PPP2R2B: variants seen among roughly 807,000 people sequenced by gnomAD.
The protein encoded by PPP2R2B is serine/threonine-protein phosphatase 2A 55 kDa regulatory subunit B beta isoform.
PPP2R2B carries 5 observed loss-of-function variants against 46.0 expected under a neutral mutation model. The observed-to-expected ratio is 0.11, with a 90% CI of 0.06 to 0.23. The LOEUF is 0.23. Among genes scored for constraint, PPP2R2B ranks in the 10% least tolerant of loss-of-function variants. The pLI, the probability that PPP2R2B is intolerant of heterozygous loss-of-function variation, is 1.00. For synonymous variants in PPP2R2B, 215 were observed against 206.7 expected (o/e 1.04, Z -0.34); for missense variants, 367 against 575.0 (o/e 0.64, Z 3.70).
At chr5:146,815,668 G>T (rs1232753148) in intron 2 of PPP2R2B, among the ~76,000 whole-genome samples, 1 of 152,166 alleles carries the variant, frequency 6.6e-6, no homozygotes. Context: ...TTTACTGTTG[G>T]GTTGCAGCCT....
intron 5 of PPP2R2B, among the ~76,000 whole-genome samples, chr5:146,670,850 A>T (rs1429702624): frequency 6.6e-6 from 1 of 152,182 alleles, no homozygotes; most frequent in African/African-American, 2.4e-5. Flanking sequence ...TTATTTTGAT[A>T]GGGAACTTTA....
chr5:146,714,365 T>C (rs1351913635), intron 2 of PPP2R2B, among the ~76,000 whole-genome samples: 1 of 151,988 alleles, frequency 6.6e-6, no homozygotes, highest in Non-Finnish European at 1.5e-5. Context: ...GAATTGGAGA[T>C]GGTGACTATG....
chr5:146,945,671 T>G (rs1423859394), intron 1 of PPP2R2B, among the ~76,000 whole-genome samples: 1 of 152,190 alleles, frequency 6.6e-6, no homozygotes, highest in Non-Finnish European at 1.5e-5. Context: ...TTTGTTTTCC[T>G]AAAGTTTAGA....
At chr5:146,594,236 T>A (rs1436223423) in intron 8 of PPP2R2B, among the ~76,000 whole-genome samples, 3 of 152,152 alleles carry the variant, frequency 2.0e-5, no homozygotes, top group Non-Finnish European at 4.4e-5. Flanking sequence ...GCAGCCAGCA[T>A]GGTTATCAAC....
intron 6 of PPP2R2B, among the ~76,000 whole-genome samples, chr5:146,644,234 C>T (rs1452401900): frequency 1.3e-4 from 8 of 60,664 alleles, no homozygotes; most frequent in South Asian, 8.9e-4. Flanking sequence ...AGGAAAGTTT[C>T]AAAAAAAAAA....
intron 1 of PPP2R2B, among the ~76,000 whole-genome samples, chr5:146,915,759 T>C (rs1409473546): frequency 6.6e-6 from 1 of 152,168 alleles, no homozygotes; most frequent in African/African-American, 2.4e-5. Context: ...CAAAAATCAC[T>C]GTTATTGGGC....
intron 8 of PPP2R2B, among the ~76,000 whole-genome samples, chr5:146,599,822 C>T (rs1357184121): frequency 6.6e-6 from 1 of 152,186 alleles, no homozygotes; most frequent in Non-Finnish European, 1.5e-5. Context: ...TGACAGGCCC[C>T]GGTGTATGAT....
intron 2 of PPP2R2B, among the ~76,000 whole-genome samples, chr5:147,080,214 T>C (rs1486950485): frequency 6.6e-6 from 1 of 152,188 alleles, no homozygotes; most frequent in Non-Finnish European, 1.5e-5. Context: ...TTTATGCATG[T>C]TAGTTTGAGT....
At chr5:146,598,685 T>G (rs1420817289) in intron 8 of PPP2R2B, among the ~76,000 whole-genome samples, 1 of 152,196 alleles carries the variant, frequency 6.6e-6, no homozygotes, top group East Asian at 1.9e-4. Flanking sequence ...TCCTGTTATA[T>G]CCCGCATCAA....
chr5:147,053,927 T>A (rs10064754), intron 1 of PPP2R2B, among the ~76,000 whole-genome samples: 1 of 152,188 alleles, frequency 6.6e-6, no homozygotes, highest in Non-Finnish European at 1.5e-5. Flanking sequence ...TCCTCCACGA[T>A]GTTAATGTTT....
chr5:146,882,353 C>A (rs1762195040), upstream of PPP2R2B, among the ~76,000 whole-genome samples: 1 of 151,792 alleles, frequency 6.6e-6, no homozygotes, highest in South Asian at 2.1e-4. Context: ...AACTTAAATT[C>A]TATCATCTAA....
chr5:146,915,500 C>T (rs1374403504), intron 1 of PPP2R2B, among the ~76,000 whole-genome samples: 2 of 151,830 alleles, frequency 1.3e-5, no homozygotes, highest in South Asian at 4.2e-4. Flanking sequence ...TTTACATACC[C>T]CTCCCCCACT....
At chr5:146,646,102 G>A (rs1220371713) in intron 6 of PPP2R2B, among the ~76,000 whole-genome samples, 2 of 152,194 alleles carry the variant, frequency 1.3e-5, no homozygotes, top group East Asian at 3.9e-4. Flanking sequence ...ATCTCAGTTT[G>A]TAATTATATA....
At chr5:146,708,512 T>A (rs752616820) in intron 2 of PPP2R2B, among the ~76,000 whole-genome samples, 1 of 152,110 alleles carries the variant, frequency 6.6e-6, no homozygotes, top group Non-Finnish European at 1.5e-5. Flanking sequence ...CCATAACCAC[T>A]ATCATGATAT....
intron 2 of PPP2R2B, among the ~76,000 whole-genome samples, chr5:146,800,290 T>C (rs1354132458): frequency 6.6e-6 from 1 of 151,998 alleles, no homozygotes; most frequent in Non-Finnish European, 1.5e-5. Flanking sequence ...TGGTGGGTAA[T>C]TTATATAAAT....
At chr5:146,928,115 G>A (rs1316885331) in intron 1 of PPP2R2B, among the ~76,000 whole-genome samples, 1 of 152,104 alleles carries the variant, frequency 6.6e-6, no homozygotes, top group Admixed American at 6.6e-5. Context: ...GTCAAGGCTT[G>A]GGGTTGGTTT....
intron 2 of PPP2R2B, among the ~76,000 whole-genome samples, chr5:146,724,752 C>A: frequency 6.6e-6 from 1 of 152,082 alleles, no homozygotes; most frequent in East Asian, 1.9e-4. Context: ...ATTCTGAAAC[C>A]ATAATCATCT....
At chr5:146,824,738 C>CTTT (rs201658038) in intron 2 of PPP2R2B, among the ~76,000 whole-genome samples, 4 of 142,948 alleles carry the variant, frequency 2.8e-5, no homozygotes, top group African/African-American at 7.7e-5. Flanking sequence ...AGAATCAATA[C>CTTT]TTTTTTTTTT....
chr5:146,746,409 TC>T (rs1753195661), intron 2 of PPP2R2B, among the ~76,000 whole-genome samples: 1 of 151,956 alleles, frequency 6.6e-6, no homozygotes, highest in Non-Finnish European at 1.5e-5. Flanking sequence ...TATGTAGCAA[TC>T]ATTAGACAAA....
Sources: allele counts gnomAD v4.1 joint callset (sites outside exome capture counted in the v4.1 genomes callset), GRCh38; gene constraint gnomAD v4.1.1; transcripts MANE v1.5; gene names NCBI Gene and HGNC (gene_info 2026-07-23, HGNC 2026-07-21).